The following SH3KBP1 variants were observed in gnomAD, a reference collection of about 807,000 sequenced individuals.
The protein encoded by SH3KBP1 is SH3 domain-containing kinase-binding protein 1.
SH3KBP1 carries 8 observed loss-of-function variants against 50.1 expected under a neutral mutation model. That is an observed-to-expected ratio of 0.16 (90% confidence interval 0.09 to 0.29). The LOEUF (loss-of-function observed/expected upper bound fraction) is 0.29. Among genes scored for constraint, SH3KBP1 ranks in the 10% least tolerant of loss-of-function variants. The probability of loss-of-function intolerance (pLI) is 1.00; values close to 1 mark genes in which losing one functional copy is unlikely to be tolerated. For synonymous variants in SH3KBP1, 227 were observed against 218.6 expected, an observed-to-expected ratio of 1.04 and a Z score of -0.34; for missense variants, 377 against 535.2, an observed-to-expected ratio of 0.70 and a Z score of 2.92.
intron 5 of SH3KBP1, among the ~76,000 whole-genome samples, chrX:19,689,078 T>C (rs2063229090): frequency 8.9e-6 from 1 of 112,324 alleles, no homozygotes; most frequent in African/African-American, 3.2e-5. Context: ...TATACCCTCC[T>C]TTTGAAATGT....
At chrX:19,579,622 G>A (rs2066303513) in intron 12 of SH3KBP1, among the ~76,000 whole-genome samples, 1 of 112,385 alleles carries the variant, frequency 8.9e-6, no homozygotes, top group African/African-American at 3.2e-5. Context: ...AGCCTGGGCT[G>A]AGGCTAAATC....
chrX:19,878,472 TTGTGTG>T (rs56786885), intron 1 of SH3KBP1, among the ~76,000 whole-genome samples: 4,829 of 72,937 alleles, frequency 0.066, 173 homozygotes, highest in Middle Eastern at 0.15. Context: ...CCTGGCTAAT[TTGTGTG>T]TGTGTGTGTG....
chrX:19,716,558 G>A (rs2063915327), intron 3 of SH3KBP1, among the ~76,000 whole-genome samples: 1 of 111,924 alleles, frequency 8.9e-6, no homozygotes, highest in Non-Finnish European at 1.9e-5. Flanking sequence ...GAACTAGTAG[G>A]GAACCATTTA....
At chrX:19,874,068 A>AAAAAAAAATATAT (rs1491537486) in intron 1 of SH3KBP1, among the ~76,000 whole-genome samples, 2 of 57,035 alleles carry the variant, frequency 3.5e-5, no homozygotes, top group Admixed American at 2.1e-4. Context: ...AAAAAAAAAA[A>AAAAAAAAATATAT]ATATATATAT....
chrX:19,688,179 T>C (rs1219370915), intron 5 of SH3KBP1, among the ~76,000 whole-genome samples: 2 of 111,892 alleles, frequency 1.8e-5, no homozygotes, highest in Non-Finnish European at 3.8e-5. Flanking sequence ...AAACGAATAT[T>C]CATGTCCCCA....
chrX:19,781,418 G>C (rs1272118982), intron 2 of SH3KBP1, among the ~76,000 whole-genome samples: 4 of 110,369 alleles, frequency 3.6e-5, no homozygotes, highest in Non-Finnish European at 7.6e-5. Context: ...AAGAGTTCTA[G>C]ACCAGCCTAG....
chrX:19,835,610 G>A (rs1386285680), intron 2 of SH3KBP1, among the ~76,000 whole-genome samples: 2 of 99,565 alleles, frequency 2.0e-5, no homozygotes, highest in East Asian at 3.1e-4. Flanking sequence ...AGACAGTCTC[G>A]CTCTCTTGCC....
intron 2 of SH3KBP1, among the ~76,000 whole-genome samples, chrX:19,806,237 C>T (rs994640154): frequency 9.0e-6 from 1 of 111,621 alleles, no homozygotes; most frequent in Non-Finnish European, 1.9e-5. Flanking sequence ...GTAGACTGGG[C>T]CAGGCACAGT....
chrX:19,830,059 G>A (rs941554802), intron 2 of SH3KBP1, among the ~76,000 whole-genome samples: 18 of 110,977 alleles, frequency 1.6e-4, no homozygotes, highest in Non-Finnish European at 3.0e-4. Context: ...GGTTTTAGCC[G>A]GCTTCTTTAC....
At chrX:19,541,688 C>A (rs2064906202) in intron 16 of SH3KBP1, among the ~76,000 whole-genome samples, 1 of 112,366 alleles carries the variant, frequency 8.9e-6, no homozygotes, top group African/African-American at 3.2e-5. Context: ...CCCTCTATGC[C>A]CCATGGCCAG....
intron 1 of SH3KBP1, among the ~76,000 whole-genome samples, chrX:19,879,625 G>A (rs2069372382): frequency 8.9e-6 from 1 of 112,444 alleles, no homozygotes; most frequent in South Asian, 3.6e-4. Context: ...CAAAGCCCTT[G>A]CCTCTCCCCA....
intron 6 of SH3KBP1, among the ~76,000 whole-genome samples, chrX:19,656,840 T>C (rs1408281842): frequency 8.9e-6 from 1 of 112,058 alleles, no homozygotes; most frequent in Non-Finnish European, 1.9e-5. Context: ...TTAAAAAACA[T>C]AGACATGTGA....
At chrX:19,624,240 GA>G (rs1051881052) in intron 8 of SH3KBP1, among the ~76,000 whole-genome samples, 8 of 108,707 alleles carry the variant, frequency 7.4e-5, no homozygotes. Context: ...GATAGAAACA[GA>G]AAAAAAAGGG....
chrX:19,872,829 TCTCTCA>T (rs1359884767), intron 1 of SH3KBP1, among the ~76,000 whole-genome samples: 7 of 103,082 alleles, frequency 6.8e-5, no homozygotes, highest in African/African-American at 2.7e-4. Context: ...TCTCTCTCTC[TCTCTCA>T]CACACACACA....
At chrX:19,556,220 A>T (rs1308429165) in intron 13 of SH3KBP1, among the ~76,000 whole-genome samples, 1 of 110,947 alleles carries the variant, frequency 9.0e-6, no homozygotes, top group African/African-American at 3.3e-5. Flanking sequence ...GTTTTCATAC[A>T]CCATTAACGG....
intron 9 of SH3KBP1, among the ~76,000 whole-genome samples, chrX:19,600,245 G>A (rs772857856): frequency 8.2e-5 from 9 of 110,407 alleles, no homozygotes; most frequent in East Asian, 2.8e-4. Flanking sequence ...TCAGTCCGGC[G>A]TGGTGGCGCA....
intron 11 of SH3KBP1, among the ~76,000 whole-genome samples, chrX:19,590,705 A>T (rs755475924): frequency 9.6e-6 from 1 of 104,455 alleles, no homozygotes; most frequent in South Asian, 4.5e-4. Context: ...GTACAGTGGC[A>T]TGGTCACAGC....
At chrX:19,608,101 T>G in intron 8 of SH3KBP1, 56 bp from the exon 9 acceptor site, 1 of 996,157 alleles carries the variant, frequency 1.0e-6, no homozygotes, top group Non-Finnish European at 1.4e-6. Flanking sequence ...TCCAGAGGGG[T>G]GTAACCCCCC....
intron 1 of SH3KBP1, among the ~76,000 whole-genome samples, chrX:19,853,058 G>A (rs2068552464): frequency 8.9e-6 from 1 of 112,726 alleles, no homozygotes; most frequent in South Asian, 3.6e-4. Context: ...AATTTGAGGA[G>A]CTTGAGGAGA....
Sources: gnomAD v4.1 joint callset for allele counts (sites outside exome capture counted in the v4.1 genomes callset) on GRCh38, gnomAD v4.1.1 for gene constraint, MANE v1.5 for transcripts, NCBI Gene and HGNC (gene_info 2026-07-23, HGNC 2026-07-21) for gene names.